The following ZMPSTE24 variants were observed in gnomAD, a reference collection of about 807,000 sequenced individuals.
The protein encoded by ZMPSTE24 is zinc metallopeptidase STE24.
In ZMPSTE24, 48 loss-of-function variants were observed where a neutral mutation model predicts 56.7. The ratio of observed to expected loss-of-function variants is 0.85; its 90% confidence interval spans 0.67 to 1.08. ZMPSTE24 has a LOEUF of 1.08. ZMPSTE24 is among the 50% of genes least tolerant of loss of function. The pLI, the probability that ZMPSTE24 is intolerant of heterozygous loss-of-function variation, is 0.00. For synonymous variants in ZMPSTE24, 172 were observed against 195.2 expected, an observed-to-expected ratio of 0.88 and a Z score of 0.99; for missense variants, 503 against 548.7, an observed-to-expected ratio of 0.92 and a Z score of 0.83.
At position 40,292,564 on chromosome 1, in the gene ZMPSTE24, T is replaced by A; in HGVS notation, c.1323T>A (p.Asp441Glu). The change falls in exon 10 of 10, where the codon GAT (aspartate) becomes GAA (glutamate). Residue 441 changes from aspartate (D) to glutamate (E), a missense_variant. Physicochemically the swap from Asp to Glu is conservative, Grantham distance 45 (BLOSUM62 2). Transcript: ENST00000372759. ...CTGCTTTAATCAAACTTAACAAAGA[T>A]AACTTGGGATTCCCTGTTTCTGACT... The part of the protein sequence containing the change: ...LYSALIKLNK[D>E]NLGFPVSDWL... 1 of 1,614,154 alleles carries A rather than the reference T, an allele frequency of 6.2e-7. No homozygotes were observed. Among genetic ancestry groups the A allele is most frequent in the Non-Finnish European group, 8.5e-7 (1 of 1,180,000 alleles).
intron 6 of ZMPSTE24, among the ~76,000 whole-genome samples, chr1:40,280,200 G>A (rs1182654648): frequency 6.6e-6 from 1 of 152,078 alleles, no homozygotes; most frequent in Non-Finnish European, 1.5e-5. Context: ...AAGGGGATCA[G>A]CTCCGATGAT....
At chr1:40,258,773 T>C (rs1643465431) in intron 1 of ZMPSTE24, among the ~76,000 whole-genome samples, 2 of 151,984 alleles carry the variant, frequency 1.3e-5, no homozygotes, top group African/African-American at 4.8e-5. Context: ...TGCCTAACCA[T>C]AGGATTTTGC....
At chr1:40,258,897 C>G (rs2124574132) in intron 1 of ZMPSTE24, among the ~76,000 whole-genome samples, 1 of 152,204 alleles carries the variant, frequency 6.6e-6, no homozygotes, top group South Asian at 2.1e-4. Flanking sequence ...GTGTCTCATG[C>G]CTGTAATCCC....
At chr1:40,282,005 C>A (rs939786724) in intron 7 of ZMPSTE24, among the ~76,000 whole-genome samples, 1 of 152,094 alleles carries the variant, frequency 6.6e-6, no homozygotes, top group Non-Finnish European at 1.5e-5. Flanking sequence ...TCCTTGGATA[C>A]GTTGTGTAAT....
chr1:40,286,136 G>A, intron 8 of ZMPSTE24, 107 bp downstream of exon 8: 2 of 983,178 alleles, frequency 2.0e-6, no homozygotes, highest in Admixed American at 2.0e-5. Context: ...CCACAGCCAG[G>A]CTACCTGGTT....
In ZMPSTE24 at chr1:40,293,362, T is replaced by G. The variant is rs1382794718; in HGVS notation, c.*693T>G. 1 of 152,364 alleles carries G rather than the reference T, an allele frequency of 6.6e-6. No individual in the cohort carries two copies. Among genetic ancestry groups the G allele is most frequent in the Non-Finnish European group, 1.5e-5 (1 of 68,046 alleles). The allele number at this position is 152,364 out of a possible 1,614,324, so 9.4% of individuals were successfully genotyped here. A position where few individuals can be genotyped will look rare whatever the true frequency, so the allele number is the denominator to read the frequency against. On this transcript the variant is annotated 3_prime_UTR_variant, in exon 10 of 10. Transcript: ENST00000372759. ...TTGTTTGTTTGTTTCTTTTGTTTTT[T>G]GGAAAATCCGTGTCTTTATCTTTTT... is the stretch of plus-strand genomic sequence containing the variant.
intron 6 of ZMPSTE24, among the ~76,000 whole-genome samples, chr1:40,278,557 C>CA (rs397979953): frequency 0.13 from 2,460 of 19,514 alleles, 760 homozygotes; most frequent in East Asian, 0.2. Flanking sequence ...GACTCCGTCT[C>CA]AAAAAAAAAA....
intron 6 of ZMPSTE24, among the ~76,000 whole-genome samples, chr1:40,275,303 G>A (rs562516830): frequency 4.7e-5 from 7 of 148,648 alleles, no homozygotes; most frequent in South Asian, 2.1e-4. Flanking sequence ...GCGTGGTGGC[G>A]GGCGCCTGTA....
intron 4 of ZMPSTE24, among the ~76,000 whole-genome samples, chr1:40,269,377 A>C (rs1643590285): frequency 6.6e-6 from 1 of 152,134 alleles, no homozygotes; most frequent in African/African-American, 2.4e-5. Context: ...CCTGGGCAAC[A>C]GAGCCAGACC....
chr1:40,275,265 CA>C (rs869166476), intron 6 of ZMPSTE24, among the ~76,000 whole-genome samples: 493 of 38,636 alleles, frequency 0.013, 4 homozygotes, highest in Middle Eastern at 0.059. Context: ...ACTAAAAATA[CA>C]AAAAAAAAAA....
Position 40,261,510 on chromosome 1 carries a change from G to C in ZMPSTE24, c.270+525G>C, listed in dbSNP as rs80160325. ...GACTACAGTTGCATGCCACCATACC[G>C]TCTCAGAGTGCTGGGATTATAGGCA... On this transcript the variant is annotated intron_variant, in intron 2 of 9. Transcript: ENST00000372759. Among the ~76,000 whole-genome samples, 12 of 152,000 alleles carry C rather than the reference G, an allele frequency of 7.9e-5. 1 individual carries two copies. Among genetic ancestry groups the C allele is most frequent in the East Asian group, 3.9e-4 (2 of 5,148 alleles).
chr1:40,279,510 C>T (rs1436871789), intron 6 of ZMPSTE24, among the ~76,000 whole-genome samples: 1 of 152,176 alleles, frequency 6.6e-6, no homozygotes, highest in Non-Finnish European at 1.5e-5. Flanking sequence ...CGGGATTTGG[C>T]AAACTCTTGG....
At chr1:40,282,054 G>A (rs1643735751) in intron 7 of ZMPSTE24, among the ~76,000 whole-genome samples, 1 of 152,216 alleles carries the variant, frequency 6.6e-6, no homozygotes, top group East Asian at 1.9e-4. Flanking sequence ...TTTATGAAAT[G>A]TATACTCTGT....
At chr1:40,283,183 C>G (rs912843674) in intron 7 of ZMPSTE24, among the ~76,000 whole-genome samples, 1 of 152,122 alleles carries the variant, frequency 6.6e-6, no homozygotes, top group Non-Finnish European at 1.5e-5. Flanking sequence ...AGTGATAACA[C>G]TAGAGAATCA....
intron 6 of ZMPSTE24, among the ~76,000 whole-genome samples, chr1:40,280,717 C>T (rs1434972403): frequency 4.6e-5 from 7 of 152,180 alleles, no homozygotes; most frequent in Admixed American, 3.9e-4. Context: ...TGAGCCACTG[C>T]ACCCAGTTGA....
chr1:40,262,840 A>T, intron 2 of ZMPSTE24: 1 of 1,157,062 alleles, frequency 8.6e-7, no homozygotes, highest in South Asian at 1.7e-5. Context: ...CCAGTTCCAG[A>T]GAATTGTTGA....
At chr1:40,279,494 G>A (rs1643705748) in intron 6 of ZMPSTE24, among the ~76,000 whole-genome samples, 1 of 152,128 alleles carries the variant, frequency 6.6e-6, no homozygotes, top group Admixed American at 6.5e-5. Flanking sequence ...GTAAAACTCT[G>A]TGCTTCGGGA....
chr1:40,276,256 T>G (rs570042198), intron 6 of ZMPSTE24, among the ~76,000 whole-genome samples: 2 of 152,310 alleles, frequency 1.3e-5, no homozygotes, highest in South Asian at 4.1e-4. Context: ...GTCTGGAGTT[T>G]TAGGGCGAGG....
intron 2 of ZMPSTE24, among the ~76,000 whole-genome samples, chr1:40,262,101 A>G (rs1222897572): frequency 6.6e-6 from 1 of 152,210 alleles, no homozygotes; most frequent in African/African-American, 2.4e-5. Flanking sequence ...TCCTAAATTT[A>G]AAAGAATTAT....
Sources: gnomAD v4.1 joint callset for allele counts (sites outside exome capture counted in the v4.1 genomes callset) on GRCh38, gnomAD v4.1.1 for gene constraint, MANE v1.5 for transcripts, NCBI Gene and HGNC (gene_info 2026-07-23, HGNC 2026-07-21) for gene names.